UPRT: variants seen among roughly 807,000 people sequenced by gnomAD.
UPRT encodes uracil phosphoribosyltransferase homolog.
UPRT carries 5 observed loss-of-function variants against 22.6 expected under a neutral mutation model. That is an observed-to-expected ratio of 0.22 (90% CI 0.12 to 0.47). The LOEUF (loss-of-function observed/expected upper bound fraction) is 0.47. UPRT is among the 20% of genes least tolerant of loss of function. The pLI, the probability that UPRT is intolerant of heterozygous loss-of-function variation, is 0.99. For synonymous variants in UPRT, 77 were observed against 87.7 expected (o/e 0.88, Z 0.68); for missense variants, 181 against 239.9 (o/e 0.75, Z 1.62).
chrX:75,252,970 C>G (rs189546674), intron 4 of UPRT, among the ~76,000 whole-genome samples: 1 of 111,115 alleles, frequency 9.0e-6, no homozygotes, highest in Non-Finnish European at 1.9e-5. Context: ...CATGTTGTCA[C>G]TCATAGGTGA....
intron 4 of UPRT, among the ~76,000 whole-genome samples, chrX:75,184,661 G>A (rs1430874942): frequency 9.3e-6 from 1 of 107,855 alleles, no homozygotes; most frequent in African/African-American, 3.4e-5. Flanking sequence ...CCATGAGCAT[G>A]GAATGTTCTT....
chrX:75,234,926 TAAC>T (rs1176808509), intron 4 of UPRT, among the ~76,000 whole-genome samples: 1 of 110,689 alleles, frequency 9.0e-6, no homozygotes, highest in Non-Finnish European at 1.9e-5. Context: ...AGGCAAGAAA[TAAC>T]TAAGATCAGA....
chrX:75,228,921 T>C (rs904129270), intron 4 of UPRT, among the ~76,000 whole-genome samples: 16 of 112,144 alleles, frequency 1.4e-4, no homozygotes, highest in African/African-American at 5.2e-4. Flanking sequence ...AAAAAGATAC[T>C]GTGTCATATC....
chrX:75,221,358 C>G (rs2082410116), intron 4 of UPRT, among the ~76,000 whole-genome samples: 1 of 111,012 alleles, frequency 9.0e-6, no homozygotes, highest in Non-Finnish European at 1.9e-5. Context: ...ATATTGATAT[C>G]TTTCTGTAGG....
At chrX:75,281,590 A>G (rs1433634172) in intron 1 of UPRT, among the ~76,000 whole-genome samples, 1 of 111,985 alleles carries the variant, frequency 8.9e-6, no homozygotes, top group Non-Finnish European at 1.9e-5. Context: ...ACATTAAACC[A>G]TCCCTGCATC....
chrX:75,246,649 T>C (rs1304963674), intron 4 of UPRT, among the ~76,000 whole-genome samples: 19 of 111,515 alleles, frequency 1.7e-4, no homozygotes, highest in African/African-American at 5.9e-4. Context: ...CAAATGGTAT[T>C]TCTAGTTCTA....
chrX:75,268,879 A>G (rs1048007311), intron 4 of UPRT, among the ~76,000 whole-genome samples: 8 of 112,118 alleles, frequency 7.1e-5, no homozygotes, highest in African/African-American at 2.3e-4. Context: ...CACCACTCCT[A>G]TTCAACATAG....
intron 4 of UPRT, among the ~76,000 whole-genome samples, chrX:75,260,086 T>G (rs1300727387): frequency 1.8e-5 from 2 of 111,941 alleles, no homozygotes; most frequent in African/African-American, 6.5e-5. Context: ...AGGCCTGCCT[T>G]ACAAGAGCTC....
intron 4 of UPRT, among the ~76,000 whole-genome samples, chrX:75,247,567 A>G (rs1191918456): frequency 8.9e-6 from 1 of 112,414 alleles, no homozygotes; most frequent in African/African-American, 3.2e-5. Context: ...TTGACTAGGT[A>G]AACAAAGCCG....
At chrX:75,201,095 T>C (rs2082346057) in intron 4 of UPRT, among the ~76,000 whole-genome samples, 1 of 112,616 alleles carries the variant, frequency 8.9e-6, no homozygotes, top group African/African-American at 3.2e-5. Flanking sequence ...TAATTTCTAT[T>C]TGGAGCTAGG....
chrX:75,234,121 G>A (rs985223757), intron 4 of UPRT, among the ~76,000 whole-genome samples: 5 of 110,380 alleles, frequency 4.5e-5, no homozygotes, highest in African/African-American at 1.3e-4. Context: ...ACAAAAAAAG[G>A]CAGGGGTTGC....
chrX:75,254,761 C>CTTTTTTTT (rs34395700), intron 4 of UPRT, among the ~76,000 whole-genome samples: 2 of 47,954 alleles, frequency 4.2e-5, no homozygotes, highest in African/African-American at 7.2e-5. Context: ...AGGAAAGAAT[C>CTTTTTTTT]TTTTTTTTTT....
chrX:75,224,052 T>G (rs990707259), intron 4 of UPRT, among the ~76,000 whole-genome samples: 1 of 111,981 alleles, frequency 8.9e-6, no homozygotes, highest in East Asian at 2.8e-4. Flanking sequence ...ATTTTTTTTA[T>G]ATGTCAGTTA....
At chrX:75,234,055 G>C (rs1434381646) in intron 4 of UPRT, among the ~76,000 whole-genome samples, 1 of 110,514 alleles carries the variant, frequency 9.0e-6, no homozygotes, top group African/African-American at 3.3e-5. Context: ...CACGTGCAGA[G>C]ACACACATAG....
At chrX:75,185,658 T>G (rs2082287534) in intron 4 of UPRT, among the ~76,000 whole-genome samples, 1 of 111,454 alleles carries the variant, frequency 9.0e-6, no homozygotes, top group Non-Finnish European at 1.9e-5. Flanking sequence ...TCCTGGACTC[T>G]TTTTTGTTGG....
intron 1 of UPRT, 53 bp from the exon 2 acceptor site, chrX:75,293,419 C>T (rs2082715016): frequency 9.0e-7 from 1 of 1,107,649 alleles, no homozygotes; most frequent in African/African-American, 1.9e-5. Context: ...TATTAAATAA[C>T]ATTTTGCCTT....
rs201792860 is a variant in UPRT at position 75,174,866 on chromosome X, G to GT, written c.-447+6993dup. Among the ~76,000 whole-genome samples the GT allele has an allele frequency of 4.6e-3, 512 of 111,993 alleles. 2 individuals carry two copies. Among genetic ancestry groups the GT allele is most frequent in the African/African-American group, 0.015 (463 of 30,866 alleles). On this transcript the variant is annotated intron_variant, in intron 4 of 13. Transcript: ENST00000652605. ...GGCTTTTAAAGGAATAGGGTACACT[G>GT]TTTTTTCTTTACTACTTTCATCTCT...
intron 1 of UPRT, among the ~76,000 whole-genome samples, chrX:75,285,123 C>T (rs746834968): frequency 6.3e-5 from 7 of 111,174 alleles, no homozygotes; most frequent in East Asian, 5.7e-4. Flanking sequence ...CCATGTAAAC[C>T]GAAGTGCTGG....
At chrX:75,248,186 C>T (rs1245301743) in intron 4 of UPRT, among the ~76,000 whole-genome samples, 9 of 112,056 alleles carry the variant, frequency 8.0e-5, no homozygotes, top group Non-Finnish European at 7.5e-5. Flanking sequence ...CGCAGCTCCT[C>T]ACCAGCAACA....
Sources: gnomAD v4.1 joint callset for allele counts (sites outside exome capture counted in the v4.1 genomes callset) on GRCh38, gnomAD v4.1.1 for gene constraint, MANE v1.5 for transcripts, NCBI Gene and HGNC (gene_info 2026-07-23, HGNC 2026-07-21) for gene names.